PBX1: variants seen among roughly 807,000 people sequenced by gnomAD.
PBX1 encodes PBX homeobox 1, also known as pre-B-cell leukemia transcription factor 1.
In PBX1, 6 loss-of-function variants were observed where a neutral mutation model predicts 53.4. The observed-to-expected ratio is 0.11, with a 90% CI of 0.06 to 0.22. PBX1 has a LOEUF of 0.22. Among genes scored for constraint, PBX1 ranks in the 10% least tolerant of loss-of-function variants. The pLI, the probability that PBX1 is intolerant of heterozygous loss-of-function variation, is 1.00. For missense variants in PBX1, 251 were observed against 551.4 expected, an observed-to-expected ratio of 0.46 and a Z score of 5.46; for synonymous variants, 204 against 212.3, an observed-to-expected ratio of 0.96 and a Z score of 0.34.
intron 2 of PBX1, among the ~76,000 whole-genome samples, chr1:164,883,874 A>G (rs1672719229): frequency 6.6e-6 from 1 of 152,222 alleles, no homozygotes. Context: ...GGTTCTATGT[A>G]CAATTTGCTA....
At chr1:164,576,515 C>T (rs1481199854) in intron 2 of PBX1, among the ~76,000 whole-genome samples, 1 of 152,208 alleles carries the variant, frequency 6.6e-6, no homozygotes, top group Non-Finnish European at 1.5e-5. Context: ...CAGCGCAGGC[C>T]GCACGTCACC....
downstream of PBX1, among the ~76,000 whole-genome samples, chr1:164,852,128 A>G (rs1365087372): frequency 6.6e-6 from 1 of 152,208 alleles, no homozygotes. Context: ...GAGAAATGCC[A>G]GGAGTATTTT....
intron 2 of PBX1, among the ~76,000 whole-genome samples, chr1:164,866,628 A>G (rs139537249): frequency 2.9e-3 from 439 of 152,306 alleles, no homozygotes; most frequent in Middle Eastern, 0.01. Context: ...ACTATCCCTT[A>G]TCTGGCTCCA....
At chr1:164,624,980 CTTA>C (rs1657942308) in intron 2 of PBX1, among the ~76,000 whole-genome samples, 1 of 152,112 alleles carries the variant, frequency 6.6e-6, no homozygotes, top group African/African-American at 2.4e-5. Flanking sequence ...CTTCCAATGA[CTTA>C]TTATAAATTT....
chr1:164,653,645 C>G (rs1289179604), intron 2 of PBX1, among the ~76,000 whole-genome samples: 1 of 152,154 alleles, frequency 6.6e-6, no homozygotes, highest in African/African-American at 2.4e-5. Flanking sequence ...TGGTAGGCAC[C>G]TATAATCCCA....
chr1:164,741,739 A>AGAGTGTGTGTGTGT (rs1553238859), intron 2 of PBX1, among the ~76,000 whole-genome samples: 1 of 140,812 alleles, frequency 7.1e-6, no homozygotes, highest in South Asian at 2.4e-4. Flanking sequence ...TGTATGAGTG[A>AGAGTGTGTGTGTGT]GTGTGTGTGT....
intron 8 of PBX1, among the ~76,000 whole-genome samples, chr1:164,840,397 C>T (rs1303422645): frequency 6.6e-6 from 1 of 152,122 alleles, no homozygotes; most frequent in Non-Finnish European, 1.5e-5. Flanking sequence ...AATGTCATTC[C>T]TAGATCCTAA....
chr1:164,665,007 A>G (rs1331988506), intron 2 of PBX1, among the ~76,000 whole-genome samples: 2 of 152,212 alleles, frequency 1.3e-5, no homozygotes, highest in Non-Finnish European at 2.9e-5. Context: ...CTTAGAAAAG[A>G]GACCATTTTG....
chr1:164,599,587 G>C (rs1424970464), intron 2 of PBX1, among the ~76,000 whole-genome samples: 1 of 152,120 alleles, frequency 6.6e-6, no homozygotes, highest in Non-Finnish European at 1.5e-5. Flanking sequence ...TCCCTCAGGA[G>C]GGGAGGGGCA....
At chr1:164,792,092 C>T (rs1020582523) in intron 2 of PBX1, among the ~76,000 whole-genome samples, 5 of 152,022 alleles carry the variant, frequency 3.3e-5, no homozygotes, top group African/African-American at 7.3e-5. Context: ...CCCAAAGTGC[C>T]GAATTTACCA....
chr1:164,654,250 G>T (rs559517742), intron 2 of PBX1, among the ~76,000 whole-genome samples: 1 of 152,270 alleles, frequency 6.6e-6, no homozygotes, highest in African/African-American at 2.4e-5. Context: ...TACTTATAAT[G>T]TAGTGCTTTT....
intron 2 of PBX1, among the ~76,000 whole-genome samples, chr1:164,690,670 T>G (rs1055881197): frequency 2.6e-5 from 4 of 152,178 alleles, no homozygotes; most frequent in Admixed American, 2.0e-4. Context: ...TGCTGTTTCT[T>G]TTTTAATGCA....
Position 164,764,245 on chromosome 1 carries a change from A to G in PBX1, c.266-28249A>G, listed in dbSNP as rs113817710. On this transcript the variant is annotated intron_variant, in intron 2 of 8. Coordinates refer to ENST00000420696, the MANE Select transcript of PBX1 (RefSeq NM_002585.4). ...GAGTTACAATACACACACACATCATACCTCAGAGGTACTGATGGCAAGTAG... is the reference window on the plus strand; with the variant it reads ...GAGTTACAATACACACACACATCATGCCTCAGAGGTACTGATGGCAAGTAG... 5.0e-3 allele frequency among the ~76,000 whole-genome samples: 755 copies of G among 152,262 alleles called. 12 individuals are homozygous for G. The highest frequency in any genetic ancestry group is 0.017 in the African/African-American group (713 of 41,548).
At chr1:164,761,015 G>C (rs1311751004) in intron 2 of PBX1, among the ~76,000 whole-genome samples, 2 of 152,098 alleles carry the variant, frequency 1.3e-5, no homozygotes, top group Non-Finnish European at 2.9e-5. Flanking sequence ...AGCAACCTCT[G>C]TCTGCCTGCC....
chr1:164,836,489 G>A (rs1434818623), intron 8 of PBX1, among the ~76,000 whole-genome samples: 8 of 152,200 alleles, frequency 5.3e-5, no homozygotes, highest in Admixed American at 3.3e-4. Flanking sequence ...GGTGTCAAGT[G>A]AATTCAAAAT....
chr1:164,752,245 T>TGTGTGTGTGTGC (rs1553240591), intron 2 of PBX1, among the ~76,000 whole-genome samples: 1 of 147,120 alleles, frequency 6.8e-6, no homozygotes, highest in Non-Finnish European at 1.5e-5. Context: ...TGTGTGTGTG[T>TGTGTGTGTGTGC]GCCCTCAGTG....
chr1:164,854,607 A>G (rs889917681), downstream of PBX1, among the ~76,000 whole-genome samples: 1 of 152,078 alleles, frequency 6.6e-6, no homozygotes, highest in Non-Finnish European at 1.5e-5. Flanking sequence ...TTTGCTGACC[A>G]CCGAGGCCAG....
At position 164,637,043 on chromosome 1, in the gene PBX1, A is replaced by G. The variant is rs1365693936; in HGVS notation, c.265+73732A>G. Among the ~76,000 whole-genome samples, 2 of 152,212 alleles carry G rather than the reference A, an allele frequency of 1.3e-5. 1 individual carries two copies. Among genetic ancestry groups the G allele is most frequent in the Non-Finnish European group, 2.9e-5 (2 of 68,040 alleles). ...AACTCCGCCAACAGGAGTGCTCAGT[A>G]TCTTCAGCTTGGGAAACTGACCTCG... On this transcript the variant is annotated intron_variant, in intron 2 of 8. Transcript: ENST00000420696.
At chr1:164,771,660 C>A (rs1667378668) in intron 2 of PBX1, 1 of 151,550 alleles carries the variant, frequency 6.6e-6, no homozygotes, top group African/African-American at 2.4e-5. Flanking sequence ...ATCCCAGCCA[C>A]ACTGGGACAA....
Sources: gnomAD v4.1 joint callset for allele counts (sites outside exome capture counted in the v4.1 genomes callset) on GRCh38, gnomAD v4.1.1 for gene constraint, MANE v1.5 for transcripts, NCBI Gene and HGNC (gene_info 2026-07-23, HGNC 2026-07-21) for gene names.